Variants in GDNF observed in about 807,000 individuals in gnomAD.
GDNF encodes the protein glial cell derived neurotrophic factor, also known as glial cell line-derived neurotrophic factor.
Under a neutral mutation model 13.7 loss-of-function variants are expected in GDNF, and 5 were observed. The ratio of observed to expected loss-of-function variants is 0.36; its 90% CI spans 0.19 to 0.77. GDNF has a LOEUF of 0.77. Ranked by LOEUF, GDNF falls within the 30% of genes least tolerant of loss-of-function variation. GDNF has a pLI of 0.51. For missense variants in GDNF, 246 were observed against 274.3 expected, an observed-to-expected ratio of 0.90 and a Z score of 0.73; for synonymous variants, 122 against 112.5, an observed-to-expected ratio of 1.08 and a Z score of -0.53.
intron 2 of GDNF, among the ~76,000 whole-genome samples, chr5:37,826,544 T>A (rs1387242683): frequency 6.6e-6 from 1 of 152,184 alleles, no homozygotes; most frequent in African/African-American, 2.4e-5. Context: ...CTCTTCCGTG[T>A]TCCTCAAAAT....
At chr5:37,822,564 T>C (rs1750178196) in intron 2 of GDNF, among the ~76,000 whole-genome samples, 2 of 152,160 alleles carry the variant, frequency 1.3e-5, no homozygotes, top group Admixed American at 1.3e-4. Flanking sequence ...TCCTGACATG[T>C]AGCGGTTCCT....
At chr5:37,822,416 G>C (rs541814623) in intron 2 of GDNF, among the ~76,000 whole-genome samples, 1 of 152,206 alleles carries the variant, frequency 6.6e-6, no homozygotes, top group Non-Finnish European at 1.5e-5. Context: ...GCTGCTGCCT[G>C]AGCCAAGGCC....
intron 1 of GDNF, among the ~76,000 whole-genome samples, chr5:37,836,622 C>T (rs1405516182): frequency 6.6e-6 from 1 of 152,222 alleles, no homozygotes; most frequent in Non-Finnish European, 1.5e-5. Flanking sequence ...CAGAAAGGTA[C>T]TTTGGCAGCT....
rs1159483733 is a variant in GDNF at position 37,834,710 on chromosome 5, G to C, written c.87C>G (p.Pro29=). The C allele has an allele frequency of 3.1e-6, 5 of 1,610,860 alleles. No homozygotes were observed. The highest frequency in any genetic ancestry group is 2.2e-5 in the South Asian group (2 of 90,968). ...AFPLPAGKRP[P]EAPAEDRSLG... ...GGGAGCGGTCTTCGGCGGGCGCCTC[G>C]GGAGGCCTCTTACCGGCGGGCAGCG... Residue 29 remains proline, a synonymous_variant, in exon 2 of 3, where the codon CCC becomes CCG. Coordinates refer to ENST00000326524, the MANE Select transcript of GDNF (RefSeq NM_000514.4).
rs1349879140 is a variant in GDNF, at chr5:37,839,596, G to C, written c.-116C>G. 1 of 152,346 alleles carries C rather than the reference G, an allele frequency of 6.6e-6. No individual in the cohort carries two copies. The highest frequency in any genetic ancestry group is 1.5e-5 in the Non-Finnish European group (1 of 68,136). 9.4% of individuals were successfully genotyped at this position (152,346 alleles called of 1,614,324 possible). A position where few individuals can be genotyped will look rare whatever the true frequency, so the allele number is the denominator to read the frequency against. On this transcript the variant is annotated 5_prime_UTR_variant, in exon 1 of 3. Transcript: ENST00000326524. This position sits in a 1 kb window ranked among gnomAD's most constrained non-coding sequence, Gnocchi z 5.5. ...GGAGACCCATCCGGGCTGATGGCTG[G>C]AGCGCGGAGCCCCGCCCAACAGGTC...
rs2973051 is a variant in GDNF at position 37,813,438 on chromosome 5, C to G, written c.*2213G>C. 1 of 151,976 alleles carries G rather than the reference C, an allele frequency of 6.6e-6. No homozygotes were observed. Among genetic ancestry groups the G allele is most frequent in the South Asian group, 2.1e-4 (1 of 4,804 alleles). 9.4% of individuals were successfully genotyped at this position (151,976 alleles called of 1,614,324 possible). A position where few individuals can be genotyped will look rare whatever the true frequency, so the allele number is the denominator to read the frequency against. On this transcript the variant is annotated 3_prime_UTR_variant, in exon 3 of 3. Coordinates refer to ENST00000326524, the MANE Select transcript of GDNF (RefSeq NM_000514.4). ...TAATGAAAATCCCTTTTATGAAATG[C>G]GTAACAAGCTGTAATACAGGGCCTA...
chr5:37,815,931 A>T lies in GDNF; in HGVS notation c.356T>A (p.Val119Asp). 1 of 1,614,156 alleles carries T rather than the reference A, an allele frequency of 6.2e-7. No individual in the cohort carries two copies. The highest frequency in any genetic ancestry group is 1.3e-5 in the African/African-American group (1 of 75,034). The change falls in exon 3 of 3, where the codon GTC (valine) becomes GAC (aspartate). Residue 119 changes from valine to aspartate, a missense_variant. Physicochemically the swap from Val to Asp is radical, Grantham distance 152 (BLOSUM62 -3). Coordinates refer to ENST00000326524, the MANE Select transcript of GDNF (RefSeq NM_000514.4). The surrounding 1 kb of genome is among the most constrained non-coding windows in gnomAD (Gnocchi z 5.0). ...GACATTTAAATGTATTGCAGTTAAGACACAACCCCGGTTTTTGCCCCTCTG... is the reference window on the plus strand; with the variant it reads ...GACATTTAAATGTATTGCAGTTAAGTCACAACCCCGGTTTTTGCCCCTCTG... ...RGQRGKNRGC[V>D]LTAIHLNVTD...
chr5:37,826,730 C>T (rs1019298720), intron 2 of GDNF, among the ~76,000 whole-genome samples: 7 of 152,336 alleles, frequency 4.6e-5, no homozygotes, highest in Non-Finnish European at 8.8e-5. Context: ...TCCATTTCCT[C>T]AATTTCCACA....
At chr5:37,833,679 C>G (rs2973038) in intron 2 of GDNF, among the ~76,000 whole-genome samples, 114,016 of 152,036 alleles carry the variant, frequency 0.75, 43,038 homozygotes, top group African/African-American at 0.82. Context: ...CTGGGGGTGG[C>G]GTTAGGGAGG....
At chr5:37,828,624 A>G (rs1287115559) in intron 2 of GDNF, among the ~76,000 whole-genome samples, 2 of 152,212 alleles carry the variant, frequency 1.3e-5, no homozygotes, top group East Asian at 3.8e-4. Flanking sequence ...CAACATGCTG[A>G]GGTTTAAATT....
At position 37,838,476 on chromosome 5, in the gene GDNF, A is replaced by G. The variant is rs1326380702; in HGVS notation, c.-27+1031T>C. Among the ~76,000 whole-genome samples the G allele has an allele frequency of 1.3e-5, 2 of 152,188 alleles. No individual in the cohort carries two copies. The highest frequency in any genetic ancestry group is 6.5e-5 in the Admixed American group (1 of 15,278). On this transcript the variant is annotated intron_variant, in intron 1 of 2. Transcript: ENST00000326524. The surrounding 1 kb of genome is among the most constrained non-coding windows in gnomAD (Gnocchi z 4.1). ...GAGCAAGAGTCGAGCGCGTTCTAAC[A>G]TCTCCGCAGCAGGGGCCGGAAGAGT...
intron 2 of GDNF, among the ~76,000 whole-genome samples, chr5:37,834,177 T>C (rs1267547827): frequency 6.6e-6 from 1 of 152,262 alleles, no homozygotes; most frequent in Non-Finnish European, 1.5e-5. Flanking sequence ...GGCTTGCTTT[T>C]GTGAAAAGCC....
intron 2 of GDNF, among the ~76,000 whole-genome samples, chr5:37,831,158 A>T (rs1372012989): frequency 6.6e-6 from 1 of 152,202 alleles, no homozygotes; most frequent in Non-Finnish European, 1.5e-5. Flanking sequence ...TTGTAATTAC[A>T]ACTTAACGAT....
rs989157692 is a variant in GDNF at position 37,837,058 on chromosome 5, C to A, written c.-26-2236G>T. 6.6e-6 allele frequency among the ~76,000 whole-genome samples: 1 copy of A among 152,080 alleles called. No individual in the cohort carries two copies. The highest frequency in any genetic ancestry group is 6.5e-5 in the Admixed American group (1 of 15,286). On this transcript the variant is annotated intron_variant, in intron 1 of 2. Transcript: ENST00000326524. This position sits in a 1 kb window ranked among gnomAD's most constrained non-coding sequence, Gnocchi z 6.5. ...TCTTCCCTCTGAGCGCCGCCGGGAC[C>A]GGCTCCAGTCCGAGGGGCTCTTTCG...
chr5:37,838,200 A>G lies in GDNF; in HGVS notation c.-27+1307T>C, dbSNP rs1750776552. ...CAAACTGGGAAAGCGGTCTGTTTAA[A>G]GGGCCAGGTTCCAGGCCCGAGAGCA... On this transcript the variant is annotated intron_variant, in intron 1 of 2. Coordinates refer to ENST00000326524, the MANE Select transcript of GDNF (RefSeq NM_000514.4). The surrounding 1 kb of genome is among the most constrained non-coding windows in gnomAD (Gnocchi z 4.1). 6.6e-6 allele frequency among the ~76,000 whole-genome samples: 1 copy of G among 152,112 alleles called. No homozygotes were observed.
chr5:37,817,609 G>GTGTA (rs1170403704), intron 2 of GDNF, among the ~76,000 whole-genome samples: 2 of 142,364 alleles, frequency 1.4e-5, no homozygotes, highest in Non-Finnish European at 3.0e-5. Flanking sequence ...TGTAGAGTGT[G>GTGTA]TGTGTGTGTG....
chr5:37,820,021 G>T (rs1750074655), intron 2 of GDNF, among the ~76,000 whole-genome samples: 1 of 152,094 alleles, frequency 6.6e-6, no homozygotes, highest in Non-Finnish European at 1.5e-5. Context: ...TCTATTAGGA[G>T]TGATTAATCA....
chr5:37,830,216 T>C (rs1750474147), intron 2 of GDNF, among the ~76,000 whole-genome samples: 1 of 152,228 alleles, frequency 6.6e-6, no homozygotes, highest in Non-Finnish European at 1.5e-5. Flanking sequence ...ATGGATCATT[T>C]ACAAAGATAC....
In GDNF at chr5:37,814,055, T is replaced by C. The variant is rs1749821252; in HGVS notation, c.*1596A>G. 1 of 152,568 alleles carries C rather than the reference T, an allele frequency of 6.6e-6. No homozygotes were observed. The highest frequency in any genetic ancestry group is 2.4e-5 in the African/African-American group (1 of 41,410). The allele number at this position is 152,568 out of a possible 1,614,324, so 9.5% of individuals were successfully genotyped here. A position where few individuals can be genotyped will look rare whatever the true frequency, so the allele number is the denominator to read the frequency against. Reference sequence around the variant, plus strand: ...AGCCCAGGGGTTGTACAGGACCTGGTAGACCCTACCTCTGGAAGGCCCCTG... The same window carrying C: ...AGCCCAGGGGTTGTACAGGACCTGGCAGACCCTACCTCTGGAAGGCCCCTG... On this transcript the variant is annotated 3_prime_UTR_variant, in exon 3 of 3. Transcript: ENST00000326524.
Sources: allele counts gnomAD v4.1 joint callset (sites outside exome capture counted in the v4.1 genomes callset), GRCh38; gene constraint gnomAD v4.1.1; non-coding constraint Gnocchi (gnomAD v3.1); transcripts MANE v1.5; gene names NCBI Gene and HGNC (gene_info 2026-07-23, HGNC 2026-07-21).